The following TMEM117 variants were observed in gnomAD, a reference collection of about 807,000 sequenced individuals.
The protein encoded by TMEM117 is transmembrane protein 117.
Under a neutral mutation model 52.4 loss-of-function variants are expected in TMEM117, and 27 were observed. The ratio of observed to expected loss-of-function variants is 0.51; its 90% confidence interval spans 0.38 to 0.71. TMEM117 has a LOEUF of 0.71. TMEM117 is among the 30% of genes least tolerant of loss of function. The probability of loss-of-function intolerance (pLI) is 0.00; values close to 1 mark genes in which losing one functional copy is unlikely to be tolerated. For synonymous variants in TMEM117, 215 were observed against 206.3 expected (o/e 1.04, Z -0.36); for missense variants, 556 against 630.5 (o/e 0.88, Z 1.26).
At chr12:43,904,879 C>T (rs983435694) in intron 2 of TMEM117, among the ~76,000 whole-genome samples, 4 of 152,224 alleles carry the variant, frequency 2.6e-5, no homozygotes, top group Admixed American at 6.5e-5. Context: ...CGTGGTGGCT[C>T]ACGCCTGTAA....
At chr12:44,373,176 G>T (rs572108593) in intron 6 of TMEM117, among the ~76,000 whole-genome samples, 12 of 152,322 alleles carry the variant, frequency 7.9e-5, no homozygotes, top group Admixed American at 5.9e-4. Context: ...CCTCCCACCT[G>T]CATAGCAGCA....
chr12:44,077,570 A>C (rs1298803977), intron 3 of TMEM117, among the ~76,000 whole-genome samples: 1 of 152,092 alleles, frequency 6.6e-6, no homozygotes, highest in African/African-American at 2.4e-5. Context: ...AATTTATTGC[A>C]CCTTTCTGTT....
chr12:44,086,962 A>C (rs1947579552), intron 3 of TMEM117, among the ~76,000 whole-genome samples: 1 of 147,538 alleles, frequency 6.8e-6, no homozygotes, highest in Non-Finnish European at 1.5e-5. Context: ...TATATAATTA[A>C]TAATTATAAA....
chr12:44,176,289 C>A (rs1949115377), intron 4 of TMEM117, among the ~76,000 whole-genome samples: 1 of 152,104 alleles, frequency 6.6e-6, no homozygotes, highest in South Asian at 2.1e-4. Context: ...TTGTTTTATA[C>A]CCAGCACCTA....
At chr12:44,242,163 G>C (rs1950070945) in intron 5 of TMEM117, among the ~76,000 whole-genome samples, 1 of 151,406 alleles carries the variant, frequency 6.6e-6, no homozygotes, top group South Asian at 2.1e-4. Flanking sequence ...TAGATTCAAG[G>C]GTACATGTGC....
chr12:44,324,859 AT>A (rs907469246), intron 6 of TMEM117, among the ~76,000 whole-genome samples: 5 of 152,038 alleles, frequency 3.3e-5, no homozygotes, highest in African/African-American at 1.2e-4. Flanking sequence ...ATTTGTTTCC[AT>A]TTTATTACTA....
chr12:44,273,819 C>A (rs1277847577), intron 5 of TMEM117, among the ~76,000 whole-genome samples: 1 of 152,008 alleles, frequency 6.6e-6, no homozygotes, highest in Non-Finnish European at 1.5e-5. Context: ...AAGGAACACA[C>A]CTCAGCATAA....
At chr12:44,354,374 A>C (rs1250729438) in intron 6 of TMEM117, among the ~76,000 whole-genome samples, 1 of 151,960 alleles carries the variant, frequency 6.6e-6, no homozygotes, top group Non-Finnish European at 1.5e-5. Context: ...AAAAAAGAGA[A>C]TTTTAGACCA....
chr12:44,243,065 G>A lies in TMEM117; in HGVS notation c.608+31678G>A, dbSNP rs557062861. The stretch of plus-strand genomic sequence containing the variant: ...ACATGTATGTCTTCTTTTGAAAAAT[G>A]TCTGTTCATGTCCTTTGCCCACTTC... On this transcript the variant is annotated intron_variant, in intron 5 of 7. Coordinates refer to ENST00000266534, the MANE Select transcript of TMEM117 (RefSeq NM_032256.3). Among the ~76,000 whole-genome samples, 324 of 152,040 alleles carry A rather than the reference G, an allele frequency of 2.1e-3. 1 individual carries two copies. The highest frequency in any genetic ancestry group is 2.9e-3 in the Non-Finnish European group (194 of 67,918).
At chr12:44,280,454 T>C (rs1034561801) in intron 5 of TMEM117, among the ~76,000 whole-genome samples, 2 of 152,202 alleles carry the variant, frequency 1.3e-5, no homozygotes, top group Non-Finnish European at 2.9e-5. Flanking sequence ...CAGTATCCTT[T>C]CTACTGTGGA....
chr12:43,914,203 G>T (rs993943840), intron 2 of TMEM117, among the ~76,000 whole-genome samples: 1 of 152,072 alleles, frequency 6.6e-6, no homozygotes, highest in Non-Finnish European at 1.5e-5. Context: ...GTGCTTGAAG[G>T]CTTGGTACTA....
At chr12:43,886,734 T>C (rs1944001573) in intron 2 of TMEM117, among the ~76,000 whole-genome samples, 1 of 152,168 alleles carries the variant, frequency 6.6e-6, no homozygotes, top group African/African-American at 2.4e-5. Flanking sequence ...ATTAGTCAGG[T>C]ATTAAGCCTA....
At chr12:44,173,738 C>T (rs1054107019) in intron 4 of TMEM117, among the ~76,000 whole-genome samples, 4 of 151,668 alleles carry the variant, frequency 2.6e-5, no homozygotes, top group Admixed American at 2.6e-4. Context: ...TATTTGATTG[C>T]AATATTATGT....
At chr12:43,922,416 G>A (rs1301938130) in intron 2 of TMEM117, among the ~76,000 whole-genome samples, 1 of 152,126 alleles carries the variant, frequency 6.6e-6, no homozygotes, top group Non-Finnish European at 1.5e-5. Flanking sequence ...GGTAAATGTA[G>A]CCCTTATTTG....
chr12:44,035,456 G>A lies in TMEM117; in HGVS notation c.410+91114G>A, dbSNP rs527925400. Among the ~76,000 whole-genome samples the A allele has an allele frequency of 1.6e-4, 24 of 152,288 alleles. No homozygotes were observed. In the East Asian group the frequency reaches 4.4e-3, roughly 28 times the overall value. ...CTTTGCTCAAAAAACGTATGTTCTA[G>A]TGAGAGAAACAATAGTAAGCAAGTA... On this transcript the variant is annotated intron_variant, in intron 3 of 7. Coordinates refer to ENST00000266534, the MANE Select transcript of TMEM117 (RefSeq NM_032256.3).
At chr12:44,291,708 A>G (rs1950708111) in intron 5 of TMEM117, among the ~76,000 whole-genome samples, 1 of 151,998 alleles carries the variant, frequency 6.6e-6, no homozygotes, top group South Asian at 2.1e-4. Flanking sequence ...TCATGGAATA[A>G]TGCTGAATTT....
chr12:44,267,195 A>G (rs1402317142), intron 5 of TMEM117, among the ~76,000 whole-genome samples: 3 of 152,036 alleles, frequency 2.0e-5, no homozygotes, highest in Middle Eastern at 3.4e-3. Flanking sequence ...TTTTTCAACT[A>G]TGTTTTGTAA....
At chr12:44,380,853 T>A (rs1038096581) in intron 7 of TMEM117, among the ~76,000 whole-genome samples, 1 of 152,174 alleles carries the variant, frequency 6.6e-6, no homozygotes, top group Non-Finnish European at 1.5e-5. Context: ...ATTCTGAGTT[T>A]TCTACTGTTA....
In TMEM117 at chr12:44,389,068, A is replaced by C; in HGVS notation, c.*396A>C. 6.3e-6 allele frequency: 1 copy of C among 157,952 alleles called. No homozygotes were observed. Among genetic ancestry groups the C allele is most frequent in the Non-Finnish European group, 1.4e-5 (1 of 71,824 alleles). 9.8% of individuals were successfully genotyped at this position (157,952 alleles called of 1,614,324 possible). A position where few individuals can be genotyped will look rare whatever the true frequency, so the allele number is the denominator to read the frequency against. On this transcript the variant is annotated 3_prime_UTR_variant, in exon 8 of 8. Coordinates refer to ENST00000266534, the MANE Select transcript of TMEM117 (RefSeq NM_032256.3). ...TATTTCACATGGGCGTTTTGTATAC[A>C]ACTATTTTGATCTACACTTGATGTC... is the stretch of plus-strand genomic sequence containing the variant.
Sources: allele counts gnomAD v4.1 joint callset (sites outside exome capture counted in the v4.1 genomes callset), GRCh38; gene constraint gnomAD v4.1.1; transcripts MANE v1.5; gene names NCBI Gene and HGNC (gene_info 2026-07-23, HGNC 2026-07-21).